The following ACACB variants were observed in gnomAD, a reference collection of about 807,000 sequenced individuals.
ACACB encodes acetyl-CoA carboxylase 2.
In ACACB, 209 loss-of-function variants were observed where a neutral mutation model predicts 278.8. That is an observed-to-expected ratio of 0.75 (90% CI 0.67 to 0.84). ACACB has a LOEUF of 0.84. Ranked by LOEUF, ACACB falls within the 40% of genes least tolerant of loss-of-function variation. The probability of loss-of-function intolerance (pLI) is 0.00; values close to 1 mark genes in which losing one functional copy is unlikely to be tolerated. For synonymous variants in ACACB, 1,174 were observed against 1,285.6 expected, an observed-to-expected ratio of 0.91 and a Z score of 1.86; for missense variants, 2,850 against 3,269.0, an observed-to-expected ratio of 0.87 and a Z score of 3.13.
chr12:109,193,649 G>A lies in ACACB; in HGVS notation c.2401G>A (p.Gly801Ser). The A allele has an allele frequency of 1.9e-6, 3 of 1,613,108 alleles. No individual in the cohort carries two copies. The highest frequency in any genetic ancestry group is 2.5e-6 in the Non-Finnish European group (3 of 1,179,122). The stretch of plus-strand genomic sequence containing the variant: ...CCACAACCCTGTCTTTTCTTTCAGG[G>A]GCCAGGTCCTCCCAGCGGATTCACT... ...MTDFLHSLER[G>S]QVLPADSLLN... The change falls in exon 16 of 53, where the codon GGC (glycine) becomes AGC (serine). Residue 801 changes from glycine to serine, a missense_variant and splice_region_variant. By Grantham distance (56) the Gly-to-Ser change is moderately conservative. Coordinates refer to ENST00000338432, the MANE Select transcript of ACACB (RefSeq NM_001093.4).
At chr12:109,118,040 G>A (rs912603081) in intron 1 of ACACB, among the ~76,000 whole-genome samples, 3 of 152,100 alleles carry the variant, frequency 2.0e-5, no homozygotes, top group Non-Finnish European at 4.4e-5. Flanking sequence ...ATGAGCCACC[G>A]CGCCTGGCCA....
chr12:109,246,491 A>G, intron 39 of ACACB, 43 bp downstream of exon 39: 1 of 1,589,892 alleles, frequency 6.3e-7, no homozygotes, highest in East Asian at 2.3e-5. Context: ...CTGCTCAGCT[A>G]CTACTGTATT....
intron 1 of ACACB, among the ~76,000 whole-genome samples, chr12:109,123,463 G>A (rs892135281): frequency 2.0e-4 from 30 of 151,720 alleles, no homozygotes; most frequent in Non-Finnish European, 3.2e-4. Context: ...AGGCCGAGGC[G>A]GGCAGATCAC....
chr12:109,150,668 C>G (rs776638048), intron 2 of ACACB, among the ~76,000 whole-genome samples: 34 of 152,180 alleles, frequency 2.2e-4, no homozygotes, highest in Non-Finnish European at 4.1e-4. Context: ...CACCAGGGAC[C>G]TGGCATCGCC....
At position 109,141,681 on chromosome 12, in the gene ACACB, T is replaced by G. The variant is rs142569604; in HGVS notation, c.653+1623T>G. Among the ~76,000 whole-genome samples the G allele has an allele frequency of 3.3e-4, 50 of 152,360 alleles. No homozygotes were observed. In the East Asian group the frequency reaches 8.9e-3, roughly 27 times the overall value. On this transcript the variant is annotated intron_variant, in intron 2 of 52. Coordinates refer to ENST00000338432, the MANE Select transcript of ACACB (RefSeq NM_001093.4). ...ATACATGTCCATGTTAGCAGTGAGC[T>G]TGGTTTTAACCCTGGTAGCTGGAAG...
chr12:109,188,772 A>T (rs1179124094), intron 13 of ACACB, among the ~76,000 whole-genome samples: 2 of 152,196 alleles, frequency 1.3e-5, no homozygotes. Context: ...TCTTGAGCTT[A>T]TAAGAGTTCT....
intron 48 of ACACB, 136 bp downstream of exon 48, chr12:109,260,793 T>C: frequency 1.1e-6 from 1 of 933,978 alleles, no homozygotes; most frequent in Non-Finnish European, 1.5e-6. Context: ...TCTTCTTTCA[T>C]GGTTTCCACT....
Position 109,242,455 on chromosome 12 carries a change from G to C in ACACB, c.5041G>C (p.Gly1681Arg), listed in dbSNP as rs375445592. The C allele has an allele frequency of 6.2e-7, 1 of 1,613,488 alleles. No homozygotes were observed. Among genetic ancestry groups the C allele is most frequent in the African/African-American group, 1.3e-5 (1 of 74,966 alleles). ...RSGNIMFHSF[G>R]NKQGPQHGML... Reference sequence around the variant, plus strand: ...GGTCCAGATCATGTTTCACTCCTTCGGCAACAAGCAAGGGCCCCAGCACGG... The same window carrying C: ...GGTCCAGATCATGTTTCACTCCTTCCGCAACAAGCAAGGGCCCCAGCACGG... The change falls in exon 37 of 53, where the codon GGC (glycine) becomes CGC (arginine). Residue 1681 changes from glycine to arginine, a missense_variant. This residue lies in a region of ACACB where 2,265 missense variants were observed against 2,561.3 expected (regional missense o/e 0.88). Coordinates refer to ENST00000338432, the MANE Select transcript of ACACB (RefSeq NM_001093.4).
intron 2 of ACACB, among the ~76,000 whole-genome samples, chr12:109,145,247 T>C (rs148607823): frequency 8.5e-5 from 13 of 152,230 alleles, no homozygotes; most frequent in African/African-American, 2.9e-4. Context: ...TTTGGTTTGG[T>C]CTGTAGGGGC....
At chr12:109,200,453 G>C (rs1411143581) in intron 18 of ACACB, among the ~76,000 whole-genome samples, 1 of 151,994 alleles carries the variant, frequency 6.6e-6, no homozygotes, top group Non-Finnish European at 1.5e-5. Flanking sequence ...GAAAGTGCTG[G>C]GATTGCAGGC....
At chr12:109,235,681 T>A (rs748894973) in intron 33 of ACACB, 34 bp downstream of exon 33, 1 of 1,581,788 alleles carries the variant, frequency 6.3e-7, no homozygotes, top group Non-Finnish European at 8.7e-7. Flanking sequence ...TTCTCTTCTC[T>A]AGCATCTTGT....
intron 2 of ACACB, among the ~76,000 whole-genome samples, chr12:109,166,591 A>C (rs2043902032): frequency 7.3e-6 from 1 of 136,756 alleles, no homozygotes; most frequent in African/African-American, 2.7e-5. Context: ...TCGAGGCTGC[A>C]GCGAGCCACG....
At chr12:109,257,599 C>A (rs1454680827) in intron 45 of ACACB, among the ~76,000 whole-genome samples, 1 of 152,102 alleles carries the variant, frequency 6.6e-6, no homozygotes, top group African/African-American at 2.4e-5. Flanking sequence ...GAGACAAGGT[C>A]TTGCTCTGTC....
chr12:109,198,158 A>T (rs1358792737), intron 17 of ACACB, among the ~76,000 whole-genome samples: 1 of 152,106 alleles, frequency 6.6e-6, no homozygotes, highest in Admixed American at 6.6e-5. Context: ...TTGGCCTCCC[A>T]AAGTGCTGGG....
At position 109,241,089 on chromosome 12, in the gene ACACB, C is replaced by T. The variant is rs145489629; in HGVS notation, c.4830C>T (p.Ser1610=). The T allele has an allele frequency of 4.0e-5, 65 of 1,613,908 alleles. No homozygotes were observed. The highest frequency in any genetic ancestry group is 5.3e-5 in the Non-Finnish European group (62 of 1,179,988). The change falls in exon 36 of 53, where the codon TCC becomes TCT. Residue 1610 remains serine, a synonymous_variant. Transcript: ENST00000338432. Reference sequence around the variant, plus strand: ...GTGTTTTGGGGCAGATCGAGGAGTCCGTGCGCTACATGGTTATGCGCTACG... The same window carrying T: ...GTGTTTTGGGGCAGATCGAGGAGTCTGTGCGCTACATGGTTATGCGCTACG... ...VIMDPFKIEE[S]VRYMVMRYGS...
rs1565850555 is a variant in ACACB, at chr12:109,133,851, A to ATC, written c.-9-5545_-9-5544insCT. Among the ~76,000 whole-genome samples the ATC allele has an allele frequency of 3.8e-4, 31 of 80,628 alleles. 1 individual carries two copies. The highest frequency in any genetic ancestry group is 1.5e-3 in the East Asian group (6 of 4,112). The allele number at this position is 80,628 out of a possible 152,430, so 52.9% of individuals were successfully genotyped here. A position where few individuals can be genotyped will look rare whatever the true frequency, so the allele number is the denominator to read the frequency against. On this transcript the variant is annotated intron_variant, in intron 1 of 52. Transcript: ENST00000338432. ...AATGTGTGTGCATATATATATATAT[A>ATC]TATATATATATATTTTTTTTTTTTT...
rs146160862 is a variant in ACACB, at chr12:109,176,220, G to C, written c.1394G>C (p.Arg465Pro). The change falls in exon 9 of 53, where the codon CGG (arginine) becomes CCG (proline). Residue 465 changes from arginine (R) to proline (P), a missense_variant. Arg to Pro is a moderately radical substitution (Grantham distance 103). This residue lies in a region of ACACB where 2,265 missense variants were observed against 2,561.3 expected (regional missense o/e 0.88). Transcript: ENST00000338432. ...ASEGGGGKGI[R>P]KAESAEDFPI... is the part of the protein sequence containing the mutation. ...GAAGGTGGCGGAGGGAAGGGAATCC[G>C]GAAGGCTGAGAGTGCGGAGGACTTC... 1 of 1,614,190 alleles carries C rather than the reference G, an allele frequency of 6.2e-7. No individual in the cohort carries two copies. Among genetic ancestry groups the C allele is most frequent in the African/African-American group, 1.3e-5 (1 of 75,056 alleles).
intron 12 of ACACB, among the ~76,000 whole-genome samples, 183 bp from the exon 13 acceptor site, chr12:109,187,816 T>C (rs1044590409): frequency 6.6e-6 from 1 of 152,074 alleles, no homozygotes; most frequent in Non-Finnish European, 1.5e-5. Flanking sequence ...ATTGAGGAGC[T>C]CATATGGGTA....
intron 24 of ACACB, among the ~76,000 whole-genome samples, chr12:109,219,439 T>G (rs1445985282): frequency 6.6e-6 from 1 of 152,198 alleles, no homozygotes; most frequent in Non-Finnish European, 1.5e-5. Context: ...TGCCCCACCC[T>G]TGGTCAATTT....
Sources: gnomAD v4.1 joint callset for allele counts (sites outside exome capture counted in the v4.1 genomes callset) on GRCh38, gnomAD v4.1.1 for gene constraint, gnomAD v4.1.1 regional missense constraint, MANE v1.5 for transcripts, NCBI Gene and HGNC (gene_info 2026-07-23, HGNC 2026-07-21) for gene names.